ZNF804A: variants seen among roughly 807,000 people sequenced by gnomAD.
ZNF804A encodes the protein zinc finger protein 804A.
ZNF804A carries 2 observed loss-of-function variants against 16.5 expected under a neutral mutation model. The ratio of observed to expected loss-of-function variants is 0.12; its 90% CI spans 0.05 to 0.38. The LOEUF (loss-of-function observed/expected upper bound fraction) is 0.38, where lower values mean the gene tolerates loss of function less well. ZNF804A is among the 10% of genes least tolerant of loss of function. The pLI is 0.99. For synonymous variants in ZNF804A, 534 were observed against 489.6 expected (o/e 1.09, Z -1.20); for missense variants, 1,473 against 1,390.7 (o/e 1.06, Z -0.94).
intron 1 of ZNF804A, among the ~76,000 whole-genome samples, chr2:184,808,662 A>AC (rs199612736): frequency 6.6e-6 from 1 of 150,642 alleles, no homozygotes; most frequent in Non-Finnish European, 1.5e-5. Flanking sequence ...AAAGACACAC[A>AC]AAAAAAAACT....
At chr2:184,894,060 G>A (rs955937396) in intron 2 of ZNF804A, among the ~76,000 whole-genome samples, 1 of 149,468 alleles carries the variant, frequency 6.7e-6, no homozygotes, top group Non-Finnish European at 1.5e-5. Flanking sequence ...ATGATACTCT[G>A]TTTGAGAACA....
At chr2:184,868,591 A>C (rs1375603889) in intron 2 of ZNF804A, among the ~76,000 whole-genome samples, 1 of 152,094 alleles carries the variant, frequency 6.6e-6, no homozygotes, top group African/African-American at 2.4e-5. Context: ...TTGATTAAAA[A>C]GCTGAGAAAG....
intron 1 of ZNF804A, among the ~76,000 whole-genome samples, chr2:184,732,216 A>T (rs1291386707): frequency 6.8e-6 from 1 of 147,244 alleles, no homozygotes; most frequent in African/African-American, 2.4e-5. Flanking sequence ...ATTTGATTTA[A>T]TTTTTGTGAA....
At chr2:184,697,629 A>C (rs1692853614) in intron 1 of ZNF804A, among the ~76,000 whole-genome samples, 1 of 152,118 alleles carries the variant, frequency 6.6e-6, no homozygotes, top group African/African-American at 2.4e-5. Context: ...AAGATATGAT[A>C]ATTCAAAGAG....
At chr2:184,916,810 T>C (rs1028363067) in intron 2 of ZNF804A, among the ~76,000 whole-genome samples, 4 of 151,668 alleles carry the variant, frequency 2.6e-5, no homozygotes, top group African/African-American at 9.7e-5. Flanking sequence ...ATTACACCAC[T>C]GCACTCCAGC....
In ZNF804A at chr2:184,708,855, G is replaced by A. The variant is rs558938731; in HGVS notation, c.111+109785G>A. Among the ~76,000 whole-genome samples, 128 of 152,112 alleles carry A rather than the reference G, an allele frequency of 8.4e-4. No homozygotes were observed. The South Asian group carries it at 9.5e-3, about 11-fold the overall frequency. On this transcript the variant is annotated intron_variant, in intron 1 of 3. Coordinates refer to ENST00000302277, the MANE Select transcript of ZNF804A (RefSeq NM_194250.2). Reference sequence around the variant, plus strand: ...TTAAACATCTCAAGGATTTCCCACTGAACTCAGAATGACATTCAAACTCCT... The same window carrying A: ...TTAAACATCTCAAGGATTTCCCACTAAACTCAGAATGACATTCAAACTCCT...
chr2:184,861,256 G>T (rs1695796428), intron 1 of ZNF804A, among the ~76,000 whole-genome samples: 1 of 152,120 alleles, frequency 6.6e-6, no homozygotes, highest in Admixed American at 6.6e-5. Flanking sequence ...TGGAGCTGGT[G>T]GAAGGGTGAC....
At chr2:184,890,189 T>G (rs965840199) in intron 2 of ZNF804A, among the ~76,000 whole-genome samples, 3 of 152,270 alleles carry the variant, frequency 2.0e-5, no homozygotes, top group Non-Finnish European at 4.4e-5. Flanking sequence ...AAAAACTTCT[T>G]TTTATAGCTG....
chr2:184,757,431 A>C (rs1693975422), intron 1 of ZNF804A, among the ~76,000 whole-genome samples: 1 of 151,832 alleles, frequency 6.6e-6, no homozygotes, highest in African/African-American at 2.4e-5. Flanking sequence ...TCTCCACATT[A>C]ATCTTGCTTG....
chr2:184,823,040 C>T (rs890001243), intron 1 of ZNF804A, among the ~76,000 whole-genome samples: 18 of 152,060 alleles, frequency 1.2e-4, no homozygotes, highest in Admixed American at 1.1e-3. Context: ...ATGCCCCAGA[C>T]TAAGGAATTT....
At chr2:184,864,336 T>C (rs780165561) in intron 1 of ZNF804A, among the ~76,000 whole-genome samples, 4 of 152,134 alleles carry the variant, frequency 2.6e-5, no homozygotes, top group Admixed American at 6.6e-5. Flanking sequence ...CAATCCTCCA[T>C]GGAGGGTGTT....
chr2:184,652,467 A>C (rs960648643), intron 1 of ZNF804A, among the ~76,000 whole-genome samples: 2 of 152,160 alleles, frequency 1.3e-5, no homozygotes, highest in African/African-American at 4.8e-5. Flanking sequence ...GTAAAATTGT[A>C]TTTAAATATT....
intron 1 of ZNF804A, among the ~76,000 whole-genome samples, chr2:184,632,094 T>C (rs1409204180): frequency 2.0e-5 from 3 of 152,064 alleles, no homozygotes; most frequent in African/African-American, 7.2e-5. Flanking sequence ...CATACTGATG[T>C]TGGGAACTGG....
At chr2:184,855,674 G>A (rs1404101830) in intron 1 of ZNF804A, among the ~76,000 whole-genome samples, 1 of 151,764 alleles carries the variant, frequency 6.6e-6, no homozygotes, top group Non-Finnish European at 1.5e-5. Flanking sequence ...ACTAACAGCA[G>A]CGAATGAATA....
chr2:184,937,908 G>C lies in ZNF804A; in HGVS notation c.2512G>C (p.Asp838His). 1 of 1,614,094 alleles carries C rather than the reference G, an allele frequency of 6.2e-7. No individual in the cohort carries two copies. Among genetic ancestry groups the C allele is most frequent in the Non-Finnish European group, 8.5e-7 (1 of 1,180,020 alleles). Residue 838 changes from aspartate (D) to histidine (H), a missense_variant, in exon 4 of 4, where the codon GAC (aspartate) becomes CAC (histidine). Asp to His is a moderately conservative substitution (Grantham distance 81). Transcript: ENST00000302277. ...AGAAAATACAGATTATCCCGTGAAA[G>C]ACAATTCTTCCTTAAATCCTCTGGA... ...LKENTDYPVK[D>H]NSSLNPLDRL...
chr2:184,777,944 C>T (rs750374076), intron 1 of ZNF804A, among the ~76,000 whole-genome samples: 20 of 151,690 alleles, frequency 1.3e-4, no homozygotes, highest in Non-Finnish European at 2.2e-4. Context: ...GACTGAACAG[C>T]ATACTGTAAT....
At chr2:184,919,664 C>T (rs892117039) in intron 2 of ZNF804A, among the ~76,000 whole-genome samples, 1 of 152,198 alleles carries the variant, frequency 6.6e-6, no homozygotes, top group African/African-American at 2.4e-5. Flanking sequence ...AAGTTTCTAA[C>T]CATCCAGCCA....
rs1038200 is a variant in ZNF804A at position 184,694,669 on chromosome 2, A to T, written c.111+95599A>T. On this transcript the variant is annotated intron_variant, in intron 1 of 3. Coordinates refer to ENST00000302277, the MANE Select transcript of ZNF804A (RefSeq NM_194250.2). ...AAGAATTCTTCTCAGAAATAGGATCACTGGCTTGAAATTTGAATTTCAGAT... is the reference window on the plus strand; with the variant it reads ...AAGAATTCTTCTCAGAAATAGGATCTCTGGCTTGAAATTTGAATTTCAGAT... 9.0e-3 allele frequency among the ~76,000 whole-genome samples: 1,377 copies of T among 152,328 alleles called. 22 individuals carry two copies. The highest frequency in any genetic ancestry group is 0.032 in the African/African-American group (1,317 of 41,578).
chr2:184,707,351 A>G (rs572645090), intron 1 of ZNF804A, among the ~76,000 whole-genome samples: 3 of 152,164 alleles, frequency 2.0e-5, no homozygotes, highest in East Asian at 3.9e-4. Flanking sequence ...TTACATGACT[A>G]TATTGTGTGA....
Sources: gnomAD v4.1 joint callset for allele counts (sites outside exome capture counted in the v4.1 genomes callset) on GRCh38, gnomAD v4.1.1 for gene constraint, MANE v1.5 for transcripts, NCBI Gene and HGNC (gene_info 2026-07-23, HGNC 2026-07-21) for gene names.